The following BLTP2 variants were observed in gnomAD, a reference collection of about 807,000 sequenced individuals.
BLTP2 encodes the protein U937-associated antigen.
chr17:28,634,039 G>A, the BLTP2 span: 19 of 1,613,992 alleles, frequency 1.2e-5, no homozygotes, highest in Admixed American at 1.7e-5. Context: ...CCCATTAGCC[G>A]CCAGTCACGG....
At chr17:28,614,856 C>CT in the BLTP2 span, 1 of 515,708 alleles carries the variant, frequency 1.9e-6, no homozygotes, top group South Asian at 3.4e-5. Context: ...TGTTGCCTCT[C>CT]TGGCCCTGAG....
chr17:28,633,431 T>C, the BLTP2 span: 5 of 1,598,606 alleles, frequency 3.1e-6, no homozygotes, highest in East Asian at 6.7e-5. Flanking sequence ...TTTGGTGAGA[T>C]ATAGGTAAGA....
At chr17:28,629,652 A>G in the BLTP2 span, among the ~76,000 whole-genome samples, 2 of 151,658 alleles carry the variant, frequency 1.3e-5, no homozygotes, top group Non-Finnish European at 2.9e-5. Context: ...AAATTTTTGT[A>G]TTTTTTAGTA....
At chr17:28,642,633 A>G in the BLTP2 span, among the ~76,000 whole-genome samples, 2 of 152,220 alleles carry the variant, frequency 1.3e-5, no homozygotes, top group East Asian at 3.8e-4. Flanking sequence ...CCTAGGCAAC[A>G]GAGCAAGACT....
At chr17:28,644,110 A>C in the BLTP2 span, 2 of 1,614,270 alleles carry the variant, frequency 1.2e-6, no homozygotes, top group East Asian at 4.5e-5. Context: ...GATCCAAAAA[A>C]AGCGGAAGGA....
the BLTP2 span, chr17:28,637,162 C>A: frequency 6.2e-7 from 1 of 1,613,900 alleles, no homozygotes; most frequent in Non-Finnish European, 8.5e-7. Context: ...AGTCGTACCT[C>A]TGAAGCACCT....
chr17:28,632,810 AG>A, the BLTP2 span: 9 of 596,198 alleles, frequency 1.5e-5, no homozygotes, highest in Non-Finnish European at 2.5e-5. Context: ...ACAAAAAAAA[AG>A]GTCCTAACCT....
chr17:28,624,024 A>C, the BLTP2 span: 1 of 1,527,212 alleles, frequency 6.5e-7, no homozygotes, highest in African/African-American at 1.4e-5. Flanking sequence ...TAGTGAGCAC[A>C]TTGTATCAAC....
At chr17:28,621,273 C>A in the BLTP2 span, 1 of 1,448,510 alleles carries the variant, frequency 6.9e-7, no homozygotes, top group Non-Finnish European at 9.7e-7. Context: ...CTGCTTTCAA[C>A]CCAGCCTAGC....
At chr17:28,635,829 T>C in the BLTP2 span, 2 of 489,600 alleles carry the variant, frequency 4.1e-6, no homozygotes, top group Non-Finnish European at 3.6e-6. Flanking sequence ...TTATACTTTT[T>C]AAGTTCTCTT....
chr17:28,616,040 G>T, the BLTP2 span: 2 of 1,395,580 alleles, frequency 1.4e-6, no homozygotes, highest in Non-Finnish European at 2.0e-6. The surrounding 1 kb of genome is among the most constrained non-coding windows in gnomAD (Gnocchi z 4.8). Flanking sequence ...TAGAATCTCT[G>T]ATCTTATCTG....
the BLTP2 span, among the ~76,000 whole-genome samples, chr17:28,627,286 C>A: frequency 1.3e-5 from 2 of 152,100 alleles, no homozygotes; most frequent in Non-Finnish European, 2.9e-5. Flanking sequence ...CATTGATTGC[C>A]CTTCTACCCC....
the BLTP2 span, chr17:28,639,396 T>C: frequency 6.2e-7 from 1 of 1,614,036 alleles, no homozygotes; most frequent in Non-Finnish European, 8.5e-7. Context: ...AGAGAATTCC[T>C]GGTGCCGGTA....
At chr17:28,641,803 A>G in the BLTP2 span, 3 of 1,165,674 alleles carry the variant, frequency 2.6e-6, no homozygotes, top group Non-Finnish European at 3.7e-6. Flanking sequence ...TCACATCTAA[A>G]TAAGCAGTGA....
the BLTP2 span, chr17:28,640,022 GTGCCTGGA>G: frequency 6.2e-7 from 1 of 1,613,428 alleles, no homozygotes; most frequent in Non-Finnish European, 8.5e-7. Flanking sequence ...TCCAAGTCAG[GTGCCTGGA>G]CCGAGACAGA....
At chr17:28,643,929 C>T in the BLTP2 span, 4 of 1,253,230 alleles carry the variant, frequency 3.2e-6, no homozygotes, top group South Asian at 1.5e-5. Flanking sequence ...ATCATCTTGG[C>T]AAAGAAATGG....
At chr17:28,640,809 T>A in the BLTP2 span, 12 of 854,252 alleles carry the variant, frequency 1.4e-5, no homozygotes, top group Non-Finnish European at 2.0e-5. Flanking sequence ...CTAAGCTGGA[T>A]GGACCATAAG....
At chr17:28,633,257 G>A in the BLTP2 span, 3 of 1,603,696 alleles carry the variant, frequency 1.9e-6, no homozygotes, top group Non-Finnish European at 2.6e-6. Flanking sequence ...TCATCCCATG[G>A]AGGACCCTCC....
At chr17:28,638,550 G>C in the BLTP2 span, 1 of 1,612,350 alleles carries the variant, frequency 6.2e-7, no homozygotes, top group East Asian at 2.2e-5. Context: ...GAATCCCAAG[G>C]CAAAAGGTGG....
Sources: allele counts gnomAD v4.1 joint callset (sites outside exome capture counted in the v4.1 genomes callset), GRCh38; gene constraint gnomAD v4.1.1; non-coding constraint Gnocchi (gnomAD v3.1); transcripts MANE v1.5; gene names NCBI Gene and HGNC (gene_info 2026-07-23, HGNC 2026-07-21).